Variants in EXOC2 observed in about 807,000 individuals in gnomAD.
The protein encoded by EXOC2 is SEC5-like 1.
A neutral mutation model predicts 131.8 loss-of-function variants in EXOC2; 70 were observed. The ratio of observed to expected loss-of-function variants is 0.53; its 90% CI spans 0.44 to 0.65. EXOC2 has a LOEUF of 0.65. EXOC2 is among the 30% of genes least tolerant of loss of function. The pLI is 0.00. For missense variants in EXOC2, 923 were observed against 1,108.6 expected, an observed-to-expected ratio of 0.83 and a Z score of 2.38; for synonymous variants, 411 against 398.4, an observed-to-expected ratio of 1.03 and a Z score of -0.38.
intron 12 of EXOC2, 115 bp downstream of exon 12, chr6:576,642 G>T: frequency 8.1e-7 from 1 of 1,232,298 alleles, no homozygotes; most frequent in Non-Finnish European, 1.1e-6. Flanking sequence ...GATGATGGCT[G>T]ATAATACTTA....
At chr6:647,148 G>A (rs1168494946) in intron 1 of EXOC2, among the ~76,000 whole-genome samples, 1 of 152,196 alleles carries the variant, frequency 6.6e-6, no homozygotes, top group Non-Finnish European at 1.5e-5. Flanking sequence ...TATGTCCTCA[G>A]TATTACAGCA....
chr6:527,329 C>T (rs62388784), intron 23 of EXOC2, among the ~76,000 whole-genome samples: 9,151 of 152,306 alleles, frequency 0.06, 345 homozygotes, highest in Middle Eastern at 0.11. Flanking sequence ...AAGAGATAAC[C>T]TAATTGTGCA....
intron 22 of EXOC2, among the ~76,000 whole-genome samples, chr6:541,407 C>A (rs1044327737): frequency 6.6e-6 from 1 of 152,042 alleles, no homozygotes; most frequent in Non-Finnish European, 1.5e-5. Context: ...TGTAAATAAA[C>A]AAGATTAGAG....
Position 607,925 on chromosome 6 carries a change from C to T in EXOC2, c.742+2173G>A, listed in dbSNP as rs149894447. 1.6e-4 allele frequency among the ~76,000 whole-genome samples: 24 copies of T among 152,186 alleles called. 1 individual carries two copies. The highest frequency in any genetic ancestry group is 4.8e-4 in the African/African-American group (20 of 41,510). ...CTGAATAAATGACCTAAGTTTCCTG[C>T]AGCCAACAGTATCCTTTAGAAACTT... On this transcript the variant is annotated intron_variant, in intron 7 of 27. Coordinates refer to ENST00000230449, the MANE Select transcript of EXOC2 (RefSeq NM_018303.6).
At chr6:497,911 AT>A (rs1478583165) in intron 24 of EXOC2, among the ~76,000 whole-genome samples, 1 of 152,216 alleles carries the variant, frequency 6.6e-6, no homozygotes, top group African/African-American at 2.4e-5. Flanking sequence ...ACCATTTCAT[AT>A]GGGGTACCCC....
At chr6:579,036 A>T (rs1397398668) in intron 11 of EXOC2, among the ~76,000 whole-genome samples, 1 of 152,162 alleles carries the variant, frequency 6.6e-6, no homozygotes, top group Non-Finnish European at 1.5e-5. Context: ...ATTAAAATGT[A>T]CATTTTTAAA....
At chr6:622,977 T>C (rs1475263671) in intron 4 of EXOC2, among the ~76,000 whole-genome samples, 1 of 152,222 alleles carries the variant, frequency 6.6e-6, no homozygotes, top group Non-Finnish European at 1.5e-5. Context: ...AGAGGGACTG[T>C]TAAGATTTTA....
At chr6:533,273 TA>T (rs145827513) in intron 22 of EXOC2, among the ~76,000 whole-genome samples, 2,566 of 152,332 alleles carry the variant, frequency 0.017, 74 homozygotes, top group African/African-American at 0.058. Flanking sequence ...AGAGGCATTA[TA>T]AATACTAAAT....
At chr6:588,082 T>C (rs996262462) in intron 11 of EXOC2, among the ~76,000 whole-genome samples, 4 of 152,192 alleles carry the variant, frequency 2.6e-5, no homozygotes, top group Non-Finnish European at 4.4e-5. Flanking sequence ...TTATCCTTTC[T>C]GCTTTTAAAT....
intron 25 of EXOC2, 124 bp downstream of exon 25, chr6:497,243 G>T: frequency 2.4e-6 from 2 of 821,118 alleles, no homozygotes; most frequent in South Asian, 1.9e-5. Context: ...GAAAGAATAT[G>T]AACTTCTTCA....
At chr6:641,326 G>T (rs1762344428) in intron 1 of EXOC2, among the ~76,000 whole-genome samples, 1 of 152,182 alleles carries the variant, frequency 6.6e-6, no homozygotes, top group Non-Finnish European at 1.5e-5. Flanking sequence ...GTTTCTGGGA[G>T]CGAGTCTTAA....
At chr6:579,076 A>T (rs1758744350) in intron 11 of EXOC2, among the ~76,000 whole-genome samples, 1 of 152,178 alleles carries the variant, frequency 6.6e-6, no homozygotes, top group African/African-American at 2.4e-5. Flanking sequence ...AAACTGTTAC[A>T]TTTCACTTAC....
At chr6:533,400 A>G (rs966704399) in intron 22 of EXOC2, among the ~76,000 whole-genome samples, 20 of 152,244 alleles carry the variant, frequency 1.3e-4, no homozygotes, top group Middle Eastern at 3.4e-3. Context: ...CTGCTCTGAC[A>G]CTCCAGTAAC....
intron 22 of EXOC2, among the ~76,000 whole-genome samples, chr6:533,664 G>A (rs1032751409): frequency 3.3e-5 from 5 of 152,192 alleles, no homozygotes; most frequent in African/African-American, 7.2e-5. Flanking sequence ...CTACGTGAGT[G>A]TGCCTTGTCT....
At chr6:547,329 G>T (rs1756918040) in intron 22 of EXOC2, among the ~76,000 whole-genome samples, 1 of 152,224 alleles carries the variant, frequency 6.6e-6, no homozygotes. Flanking sequence ...AAAGCAGGAG[G>T]AAATATCCCC....
At chr6:621,659 G>C (rs1211085869) in intron 4 of EXOC2, among the ~76,000 whole-genome samples, 3 of 152,132 alleles carry the variant, frequency 2.0e-5, no homozygotes, top group South Asian at 2.1e-4. Flanking sequence ...CCGAGACTGA[G>C]TCGATCGTGC....
At chr6:512,316 T>C (rs1764897397) in intron 23 of EXOC2, among the ~76,000 whole-genome samples, 1 of 152,208 alleles carries the variant, frequency 6.6e-6, no homozygotes, top group Non-Finnish European at 1.5e-5. Context: ...CTAAACCAGC[T>C]CCGATCCTCC....
chr6:599,118 A>G lies in EXOC2; in HGVS notation c.850T>C (p.Phe284Leu). ...CTTTCAATATTTAGAGGAAGGTTGAAAAGAAACTTAAATCGCTGAAGCACA... is the reference window on the plus strand; with the variant it reads ...CTTTCAATATTTAGAGGAAGGTTGAGAAGAAACTTAAATCGCTGAAGCACA... Reference protein sequence around the residue: ...LNVLQRFKFLFNLPLNIERNI... With the variant: ...LNVLQRFKFLLNLPLNIERNI... The change falls in exon 8 of 28, where the codon TTC (phenylalanine) becomes CTC (leucine). Residue 284 changes from phenylalanine (F) to leucine (L), a missense_variant. Phe to Leu is a conservative substitution (Grantham distance 22, BLOSUM62 0). Transcript: ENST00000230449. 6.2e-7 allele frequency: 1 copy of G among 1,613,144 alleles called. No homozygotes were observed. Among genetic ancestry groups the G allele is most frequent in the Non-Finnish European group, 8.5e-7 (1 of 1,179,442 alleles).
At chr6:588,243 T>C (rs1026998425) in intron 11 of EXOC2, among the ~76,000 whole-genome samples, 1 of 152,246 alleles carries the variant, frequency 6.6e-6, no homozygotes, top group Admixed American at 6.5e-5. Flanking sequence ...GAGGGAACAG[T>C]TAAGCATGTT....
Sources: gnomAD v4.1 joint callset for allele counts (sites outside exome capture counted in the v4.1 genomes callset) on GRCh38, gnomAD v4.1.1 for gene constraint, MANE v1.5 for transcripts, NCBI Gene and HGNC (gene_info 2026-07-23, HGNC 2026-07-21) for gene names.